Variants in LRP6 observed in about 807,000 individuals in gnomAD.
LRP6 encodes the protein low-density lipoprotein receptor-related protein 6.
LRP6 carries 43 observed loss-of-function variants against 184.1 expected under a neutral mutation model. That is an observed-to-expected ratio of 0.23 (90% CI 0.18 to 0.30). LRP6 has a LOEUF of 0.30. Among genes scored for constraint, LRP6 ranks in the 10% least tolerant of loss-of-function variants. The pLI is 1.00. For missense variants in LRP6, 1,571 were observed against 2,005.3 expected (o/e 0.78, Z 4.14); for synonymous variants, 719 against 684.9 (o/e 1.05, Z -0.78).
chr12:12,167,229 T>C (rs1862902410), intron 7 of LRP6, among the ~76,000 whole-genome samples: 5 of 152,216 alleles, frequency 3.3e-5, no homozygotes. Context: ...TTCCCTTCAT[T>C]CTTCTGTTCT....
chr12:12,248,173 G>T (rs978384223), intron 1 of LRP6, among the ~76,000 whole-genome samples: 2 of 152,124 alleles, frequency 1.3e-5, no homozygotes, highest in Non-Finnish European at 2.9e-5. Flanking sequence ...TTTCGGTTCA[G>T]CCTCCTTACC....
chr12:12,259,706 AAAAT>A (rs1432223114), intron 1 of LRP6, among the ~76,000 whole-genome samples: 58 of 152,364 alleles, frequency 3.8e-4, no homozygotes, highest in African/African-American at 1.3e-3. Flanking sequence ...ATTGTATTTT[AAAAT>A]AAATAATTTT....
intron 1 of LRP6, among the ~76,000 whole-genome samples, chr12:12,247,465 G>A (rs1386786825): frequency 6.6e-6 from 1 of 152,146 alleles, no homozygotes; most frequent in Non-Finnish European, 1.5e-5. Context: ...CAAGCATTCT[G>A]AGTCTCTTCT....
Position 12,157,444 on chromosome 12 carries a change from A to G in LRP6, c.2791+1385T>C, listed in dbSNP as rs112918437. Among the ~76,000 whole-genome samples, 876 of 152,282 alleles carry G rather than the reference A, an allele frequency of 5.8e-3. 5 individuals carry two copies. The highest frequency in any genetic ancestry group is 7.8e-3 in the Non-Finnish European group (532 of 68,022). ...ACCATGTATTATCTTTAATCTTCAT[A>G]ACAACCCTATACAGCAATTACTATT... On this transcript the variant is annotated intron_variant, in intron 12 of 22. Transcript: ENST00000261349.
intron 7 of LRP6, among the ~76,000 whole-genome samples, chr12:12,179,323 A>G (rs1485871641): frequency 2.0e-5 from 3 of 152,082 alleles, no homozygotes; most frequent in African/African-American, 7.2e-5. Context: ...TATTTAATAT[A>G]TTCTACCATC....
chr12:12,152,979 T>A (rs1406579182), intron 12 of LRP6, among the ~76,000 whole-genome samples: 3 of 152,224 alleles, frequency 2.0e-5, no homozygotes, highest in African/African-American at 7.2e-5. Flanking sequence ...TTTAGAAAGT[T>A]ATCCCAATGA....
chr12:12,197,882 A>C (rs1429877944), intron 3 of LRP6, among the ~76,000 whole-genome samples: 2 of 152,206 alleles, frequency 1.3e-5, no homozygotes, highest in African/African-American at 4.8e-5. Flanking sequence ...GTCTCTACTA[A>C]AAATACAAAA....
chr12:12,255,930 A>G (rs187055869), intron 1 of LRP6, among the ~76,000 whole-genome samples: 6 of 152,242 alleles, frequency 3.9e-5, no homozygotes, highest in Admixed American at 2.6e-4. Context: ...TGCAAATGCC[A>G]AATTTTACAT....
chr12:12,204,854 C>T lies in LRP6; in HGVS notation c.450-1454G>A, dbSNP rs796570165. On this transcript the variant is annotated intron_variant, in intron 2 of 22. Transcript: ENST00000261349. ...TGGTGGTGGGTGCCTGTTATCCCAG[C>T]TACTCGGGAGGCTGAGGCAGGAGAA... Among the ~76,000 whole-genome samples the T allele has an allele frequency of 8.6e-5, 13 of 150,610 alleles. 1 individual carries two copies. In the South Asian group the frequency reaches 2.8e-3, roughly 32 times the overall value.
intron 2 of LRP6, among the ~76,000 whole-genome samples, chr12:12,223,399 C>A: frequency 6.6e-6 from 1 of 152,126 alleles, no homozygotes; most frequent in East Asian, 1.9e-4. Flanking sequence ...AAGGTAGAAC[C>A]ATACCGCACA....
intron 6 of LRP6, 56 bp from the exon 7 acceptor site, chr12:12,180,037 A>G: frequency 6.9e-7 from 1 of 1,457,802 alleles, no homozygotes; most frequent in Non-Finnish European, 9.6e-7. Flanking sequence ...TAACTTTCAG[A>G]TATTCTAAAG....
intron 2 of LRP6, among the ~76,000 whole-genome samples, chr12:12,225,458 T>A (rs564968426): frequency 6.6e-6 from 1 of 152,000 alleles, no homozygotes; most frequent in Non-Finnish European, 1.5e-5. Context: ...AGCACCCGAG[T>A]AGGAAAACCT....
intron 2 of LRP6, among the ~76,000 whole-genome samples, chr12:12,206,867 T>A (rs1360642910): frequency 2.6e-5 from 4 of 151,498 alleles, no homozygotes; most frequent in Admixed American, 2.6e-4. Flanking sequence ...CTAAAAAAAA[T>A]CCTGAGGCCA....
chr12:12,183,882 C>T, intron 5 of LRP6, 98 bp downstream of exon 5: 3 of 1,111,792 alleles, frequency 2.7e-6, no homozygotes, highest in South Asian at 2.6e-5. Context: ...GACTGGTCTC[C>T]CAAAGCAGTA....
chr12:12,124,759 T>C (rs1428719265), intron 21 of LRP6, 97 bp from the exon 22 acceptor site: 12 of 741,322 alleles, frequency 1.6e-5, no homozygotes, highest in African/African-American at 3.5e-5. Context: ...AGTGTTTCTT[T>C]ACAATACACT....
At chr12:12,236,247 T>TAAAC (rs1283387156) in intron 2 of LRP6, among the ~76,000 whole-genome samples, 11 of 151,390 alleles carry the variant, frequency 7.3e-5, no homozygotes, top group South Asian at 2.1e-4. Flanking sequence ...AATAAATAAA[T>TAAAC]AAACAAACAA....
chr12:12,175,059 G>T (rs1162375476), intron 7 of LRP6, among the ~76,000 whole-genome samples: 2 of 152,042 alleles, frequency 1.3e-5, no homozygotes, highest in African/African-American at 4.8e-5. Context: ...ACTCAGAAAT[G>T]AAAGTGGGCA....
intron 7 of LRP6, among the ~76,000 whole-genome samples, chr12:12,169,911 T>A (rs1316237142): frequency 6.6e-6 from 1 of 152,230 alleles, no homozygotes; most frequent in African/African-American, 2.4e-5. Flanking sequence ...GATCTCCTTG[T>A]TCTCATCTGG....
chr12:12,158,681 A>T (rs2136936901), intron 12 of LRP6, 148 bp downstream of exon 12: 1 of 744,214 alleles, frequency 1.3e-6, no homozygotes, highest in East Asian at 2.7e-5. Context: ...ATAAGTAACA[A>T]ACACTTGCAT....
Sources: gnomAD v4.1 joint callset for allele counts (sites outside exome capture counted in the v4.1 genomes callset) on GRCh38, gnomAD v4.1.1 for gene constraint, MANE v1.5 for transcripts, NCBI Gene and HGNC (gene_info 2026-07-23, HGNC 2026-07-21) for gene names.